Variants in ABCC6 observed in about 807,000 individuals in gnomAD.
ABCC6 encodes ATP binding cassette subfamily C member 6.
Under a neutral mutation model 169.5 loss-of-function variants are expected in ABCC6, and 126 were observed. The observed-to-expected ratio is 0.74, with a 90% CI of 0.64 to 0.86. ABCC6 has a LOEUF of 0.86. Among genes scored for constraint, ABCC6 ranks in the 40% least tolerant of loss-of-function variants. ABCC6 has a pLI of 0.00. For synonymous variants in ABCC6, 752 were observed against 814.7 expected, an observed-to-expected ratio of 0.92 and a Z score of 1.31; for missense variants, 1,733 against 1,927.2, an observed-to-expected ratio of 0.90 and a Z score of 1.89.
At chr16:16,171,091 G>A (rs931721457) in intron 21 of ABCC6, among the ~76,000 whole-genome samples, 2 of 151,964 alleles carry the variant, frequency 1.3e-5, no homozygotes, top group African/African-American at 4.8e-5. Flanking sequence ...CTCTCTGCCT[G>A]GAGCGCTCTT....
Position 16,182,527 on chromosome 16 carries a change from A to G in ABCC6, c.2132T>C (p.Val711Ala). 6.2e-7 allele frequency: 1 copy of G among 1,614,118 alleles called. No individual in the cohort carries two copies. The highest frequency in any genetic ancestry group is 1.1e-5 in the South Asian group (1 of 91,084). ...TGGGTCCAGCTCCTGCCCGAAGCAC[A>G]CATTCTCTACCACAGAGGTGTTCTG... The part of the protein sequence containing the change: ...WVQNTSVVEN[V>A]CFGQELDPPW... The change falls in exon 17 of 31, where the codon GTG becomes GCG. Residue 711 changes from valine to alanine, a missense_variant. Coordinates refer to ENST00000205557, the MANE Select transcript of ABCC6 (RefSeq NM_001171.6).
At position 16,154,441 on chromosome 16, in the gene ABCC6, AGG is replaced by A; in HGVS notation, c.4208+185_4208+186del. Among the ~76,000 whole-genome samples, 3 of 152,270 alleles carry A rather than the reference AGG, an allele frequency of 2.0e-5. 1 individual carries two copies. Among genetic ancestry groups the A allele is most frequent in the African/African-American group, 7.2e-5 (3 of 41,574 alleles). On this transcript the variant is annotated intron_variant, in intron 29 of 30. Transcript: ENST00000205557. ...AATATAGAAGACTAACTGCTAATTT[AGG>A]GGGGAAAACCTTGGTATTCAGAGAC... is the stretch of plus-strand genomic sequence containing the variant.
At chr16:16,211,012 T>C (rs1163430579) in intron 6 of ABCC6, among the ~76,000 whole-genome samples, 1 of 151,942 alleles carries the variant, frequency 6.6e-6, no homozygotes. Context: ...GGAGAATTGC[T>C]TGAACCTGGG....
Position 16,166,174 on chromosome 16 carries a change from C to T in ABCC6, c.2996-241G>A, listed in dbSNP as rs569049311. Among the ~76,000 whole-genome samples the T allele has an allele frequency of 1.2e-4, 19 of 152,240 alleles. No homozygotes were observed. The East Asian group carries it at 3.1e-3, about 25-fold the overall frequency. ...CAAGCGATCCTCCCGCCTCACCCTC[C>T]GAGTAGCTGGGACCACAGGTGTACG... is the stretch of plus-strand genomic sequence containing the variant. On this transcript the variant is annotated intron_variant, in intron 22 of 30. Coordinates refer to ENST00000205557, the MANE Select transcript of ABCC6 (RefSeq NM_001171.6).
chr16:16,208,614 C>G, intron 7 of ABCC6, 114 bp downstream of exon 7: 13 of 1,551,938 alleles, frequency 8.4e-6, no homozygotes, highest in Non-Finnish European at 1.2e-5. Context: ...CCTTGTGATC[C>G]GCCTGCCTCG....
At chr16:16,183,287 G>A (rs1003244858) in intron 15 of ABCC6, among the ~76,000 whole-genome samples, 1 of 151,896 alleles carries the variant, frequency 6.6e-6, no homozygotes, top group Non-Finnish European at 1.5e-5. Context: ...TGCACACCAC[G>A]CACACACACA....
intron 25 of ABCC6, among the ~76,000 whole-genome samples, chr16:16,160,886 G>A (rs142901988): frequency 6.6e-6 from 1 of 152,054 alleles, no homozygotes. Context: ...AAATGCTTAT[G>A]AGTGTATATA....
chr16:16,150,772 G>A lies in ABCC6; in HGVS notation c.4209C>T (p.Ser1403=), dbSNP rs63750700. The A allele has an allele frequency of 4.3e-6, 7 of 1,613,298 alleles. No individual in the cohort carries two copies. Among genetic ancestry groups the A allele is most frequent in the Middle Eastern group, 3.3e-4 (2 of 6,062 alleles). Residue 1403 remains serine (S), a splice_region_variant and synonymous_variant, in exon 30 of 31, where the codon AGC becomes AGT. Coordinates refer to ENST00000205557, the MANE Select transcript of ABCC6 (RefSeq NM_001171.6). The part of the protein sequence containing the change: ...YKCADRGEDL[S]VGQKQLLCLA... ...GACACAGGAGCTGTTTCTGGCCCAC[G>A]CTGGGAACGATTGGGACAATTAGCT...
At chr16:16,215,576 C>T (rs371234561) in intron 4 of ABCC6, among the ~76,000 whole-genome samples, 1 of 149,644 alleles carries the variant, frequency 6.7e-6, no homozygotes, top group Non-Finnish European at 1.5e-5. Flanking sequence ...TGGGTTCAAG[C>T]GATTCTCCTG....
At chr16:16,173,116 TAGGGTGG>T in intron 21 of ABCC6, 161 bp downstream of exon 21, 1 of 770,316 alleles carries the variant, frequency 1.3e-6, no homozygotes, top group Admixed American at 2.6e-5. Context: ...ATCTATTTTT[TAGGGTGG>T]TTGTGAGGAT....
intron 23 of ABCC6, 39 bp from the exon 24 acceptor site, chr16:16,163,231 C>T (rs1298056934): frequency 2.5e-6 from 4 of 1,594,756 alleles, no homozygotes; most frequent in Non-Finnish European, 3.4e-6. Flanking sequence ...GGAGAAGCCA[C>T]AGACATAGAG....
chr16:16,191,103 G>T (rs1395146004), intron 11 of ABCC6, among the ~76,000 whole-genome samples: 1 of 151,822 alleles, frequency 6.6e-6, no homozygotes, highest in Non-Finnish European at 1.5e-5. Context: ...ATCATCAGAG[G>T]GGCAGCTGCC....
chr16:16,188,031 A>C (rs1260248516), intron 13 of ABCC6, among the ~76,000 whole-genome samples: 9 of 151,990 alleles, frequency 5.9e-5, no homozygotes, highest in Non-Finnish European at 1.2e-4. Flanking sequence ...CGGGGGTTCA[A>C]GACCAGCCTG....
intron 11 of ABCC6, among the ~76,000 whole-genome samples, chr16:16,191,184 C>T (rs1014901875): frequency 5.9e-5 from 9 of 151,930 alleles, no homozygotes; most frequent in Non-Finnish European, 1.2e-4. Flanking sequence ...GGTGTGGTCT[C>T]GGCTCACTGT....
chr16:16,154,925 A>G lies in ABCC6; in HGVS notation c.3989T>C (p.Ile1330Thr), dbSNP rs760794410. The G allele has an allele frequency of 1.2e-5, 19 of 1,607,404 alleles. No homozygotes were observed. Among genetic ancestry groups the G allele is most frequent in the African/African-American group, 5.3e-5 (4 of 74,836 alleles). Residue 1330 changes from isoleucine (I) to threonine (T), a missense_variant, in exon 28 of 31, where the codon ATT becomes ACT. By Grantham distance (89) the Ile-to-Thr change is moderately conservative. This residue lies in a region of ABCC6 where 1,601 missense variants were observed against 1,635.5 expected (regional missense o/e 0.98). Transcript: ENST00000205557. ...EGGIWIDGVP[I>T]AHVGLHTLRS... The stretch of plus-strand genomic sequence containing the variant: ...CAGTGTGTGCAGCCCCACGTGGGCA[A>G]TGGGGACCCCGTCGATCCAGATCCC...
chr16:16,167,873 A>T (rs1443282573), intron 22 of ABCC6, among the ~76,000 whole-genome samples: 1 of 152,152 alleles, frequency 6.6e-6, no homozygotes, highest in Non-Finnish European at 1.5e-5. Flanking sequence ...GCCCTTAGCT[A>T]TCAAATGAGG....
intron 9 of ABCC6, 57 bp from the exon 10 acceptor site, chr16:16,198,239 C>G: frequency 6.5e-7 from 1 of 1,541,448 alleles, no homozygotes; most frequent in Non-Finnish European, 8.8e-7. Flanking sequence ...AGAGGGATGC[C>G]CCAGGTGGCT....
rs754782996 is a variant in ABCC6, at chr16:16,155,029, C to T, written c.3885G>A (p.Val1295=). The T allele has an allele frequency of 7.7e-6, 12 of 1,554,100 alleles. No homozygotes were observed. The East Asian group carries it at 2.2e-4, about 28-fold the overall frequency. ...VSFKIHAGEK[V]GIVGRTGAGK... ...CTGCCCCGGTCCTGCCAACGATGCC[C>T]ACCTGCCCGGGGTTGGGAGGAAAGG... The change falls in exon 28 of 31, where the codon GTG becomes GTA. Residue 1295 remains valine (V), a splice_region_variant and synonymous_variant. Coordinates refer to ENST00000205557, the MANE Select transcript of ABCC6 (RefSeq NM_001171.6).
rs114179357 is a variant in ABCC6 at position 16,198,096 on chromosome 16, G to A, written c.1263C>T (p.Thr421=). The change falls in exon 10 of 31, where the codon ACC becomes ACT. Residue 421 remains threonine (T), a synonymous_variant. Coordinates refer to ENST00000205557, the MANE Select transcript of ABCC6 (RefSeq NM_001171.6). ...NLVSVDVQRL[T]ESVLYLNGLW... ...GCCCGTTGAGGTAGAGGACGCTCTC[G>A]GTCAGCCGCTGCACGTCCACGGACA... 3.0e-3 allele frequency: 4,871 copies of A among 1,613,726 alleles called. 10 individuals are homozygous for A. The highest frequency in any genetic ancestry group is 3.8e-3 in the Non-Finnish European group (4,517 of 1,179,910).
Sources: gnomAD v4.1 joint callset for allele counts (sites outside exome capture counted in the v4.1 genomes callset) on GRCh38, gnomAD v4.1.1 for gene constraint, gnomAD v4.1.1 regional missense constraint, MANE v1.5 for transcripts, NCBI Gene and HGNC (gene_info 2026-07-23, HGNC 2026-07-21) for gene names.